TANK: variants seen among roughly 807,000 people sequenced by gnomAD.
TANK encodes TRAF family member-associated NF-kappa-B activator.
A neutral mutation model predicts 43.6 loss-of-function variants in TANK; 15 were observed. The ratio of observed to expected loss-of-function variants is 0.34; its 90% CI spans 0.23 to 0.53. The LOEUF is 0.53. Among genes scored for constraint, TANK ranks in the 20% least tolerant of loss-of-function variants. The probability of loss-of-function intolerance (pLI) is 0.94; values close to 1 mark genes in which losing one functional copy is unlikely to be tolerated. For missense variants in TANK, 417 were observed against 498.6 expected, an observed-to-expected ratio of 0.84 and a Z score of 1.56; for synonymous variants, 162 against 178.2, an observed-to-expected ratio of 0.91 and a Z score of 0.73.
At chr2:161,161,222 T>C (rs962403041) in intron 1 of TANK, 13 of 1,538,362 alleles carry the variant, frequency 8.5e-6, no homozygotes, top group Admixed American at 2.0e-5. Context: ...TTTATTGTTA[T>C]GCTATAACGA....
At chr2:161,167,307 G>A (rs1367518490) in intron 1 of TANK, among the ~76,000 whole-genome samples, 1 of 152,222 alleles carries the variant, frequency 6.6e-6, no homozygotes, top group Non-Finnish European at 1.5e-5. Context: ...TGGTTGAACA[G>A]GCAGTTAGAG....
chr2:161,140,443 C>T (rs754892393), intron 1 of TANK, among the ~76,000 whole-genome samples: 1 of 150,986 alleles, frequency 6.6e-6, no homozygotes, highest in Admixed American at 6.6e-5. Context: ...TGTGGATAAC[C>T]CTTTTTCATG....
At chr2:161,186,632 C>T (rs1685672869) in intron 2 of TANK, among the ~76,000 whole-genome samples, 1 of 152,030 alleles carries the variant, frequency 6.6e-6, no homozygotes, top group Non-Finnish European at 1.5e-5. Flanking sequence ...TCTGTCTGGG[C>T]AAAGATATTT....
At position 161,179,705 on chromosome 2, in the gene TANK, G is replaced by A; in HGVS notation, c.43G>A (p.Ala15Thr). 1 of 1,613,190 alleles carries A rather than the reference G, an allele frequency of 6.2e-7. No homozygotes were observed. The highest frequency in any genetic ancestry group is 8.5e-7 in the Non-Finnish European group (1 of 1,179,470). The stretch of plus-strand genomic sequence containing the variant: ...CGAGCAACTCAATAAAGCGTATGAA[G>A]CCTTCCGGCAGGCATGCATGGATAG... ...IGEQLNKAYE[A>T]FRQACMDRDS... The change falls in exon 2 of 8, where the codon GCC (alanine) becomes ACC (threonine). Residue 15 changes from alanine to threonine, a missense_variant. Transcript: ENST00000392749.
At chr2:161,224,324 A>G (rs1371075703) in intron 5 of TANK, among the ~76,000 whole-genome samples, 1 of 152,070 alleles carries the variant, frequency 6.6e-6, no homozygotes, top group East Asian at 1.9e-4. Context: ...GCAGAGAACA[A>G]AAGTCAATGC....
chr2:161,193,641 C>G (rs1048974247), intron 2 of TANK, among the ~76,000 whole-genome samples: 7 of 152,190 alleles, frequency 4.6e-5, no homozygotes, highest in Admixed American at 3.3e-4. Flanking sequence ...GGCAGCTCTA[C>G]CATTCTTAAA....
intron 1 of TANK, among the ~76,000 whole-genome samples, chr2:161,163,737 A>C (rs757718113): frequency 1.4e-4 from 22 of 152,224 alleles, no homozygotes; most frequent in Non-Finnish European, 3.1e-4. Flanking sequence ...AAAATATACA[A>C]GCTTAACATG....
At chr2:161,141,750 T>C (rs1456581009) in intron 1 of TANK, among the ~76,000 whole-genome samples, 2 of 152,154 alleles carry the variant, frequency 1.3e-5, no homozygotes, top group African/African-American at 4.8e-5. Context: ...TTTGGATTGG[T>C]TCCATGTCTT....
intron 1 of TANK, chr2:161,161,599 T>A: frequency 9.6e-7 from 1 of 1,044,752 alleles, no homozygotes; most frequent in East Asian, 2.7e-5. Context: ...TTTTGCTTTC[T>A]TATGAAAATG....
intron 4 of TANK, chr2:161,207,715 C>T: frequency 2.0e-6 from 2 of 985,174 alleles, no homozygotes; most frequent in South Asian, 9.4e-5. Flanking sequence ...TTATAATTCA[C>T]CTTTAGCTAA....
At chr2:161,190,108 A>G (rs1176673229) in intron 2 of TANK, among the ~76,000 whole-genome samples, 1 of 152,220 alleles carries the variant, frequency 6.6e-6, no homozygotes, top group East Asian at 1.9e-4. Context: ...TCTAGAATAT[A>G]TAAAGAACTA....
chr2:161,183,678 C>T (rs1685530805), intron 2 of TANK, among the ~76,000 whole-genome samples: 1 of 151,836 alleles, frequency 6.6e-6, no homozygotes, highest in South Asian at 2.1e-4. Context: ...GTTAAGTACT[C>T]AAGAATGGAT....
intron 3 of TANK, among the ~76,000 whole-genome samples, chr2:161,203,947 A>G (rs1034537794): frequency 2.4e-4 from 37 of 152,180 alleles, no homozygotes; most frequent in Non-Finnish European, 7.4e-5. Context: ...TCAAAAATAT[A>G]TATGCGAGGA....
chr2:161,152,483 A>G (rs955385057), intron 1 of TANK, among the ~76,000 whole-genome samples: 3 of 152,130 alleles, frequency 2.0e-5, no homozygotes, highest in Admixed American at 2.0e-4. Context: ...TGGCCTTCAT[A>G]GTTTCAAAGC....
chr2:161,155,988 T>C, upstream of TANK: 1 of 912,250 alleles, frequency 1.1e-6, no homozygotes, highest in Non-Finnish European at 1.3e-6. Flanking sequence ...GCATTTAATA[T>C]TGAAATTTTT....
intron 1 of TANK, among the ~76,000 whole-genome samples, chr2:161,144,829 T>A (rs1683857813): frequency 6.6e-6 from 1 of 152,220 alleles, no homozygotes; most frequent in Non-Finnish European, 1.5e-5. Flanking sequence ...GATCCAGAGC[T>A]GAGTTCAAAT....
chr2:161,146,311 G>A (rs559729991), intron 1 of TANK, among the ~76,000 whole-genome samples: 5 of 152,208 alleles, frequency 3.3e-5, no homozygotes, highest in Admixed American at 6.5e-5. Context: ...ACCTTCTGAA[G>A]CCTACTTCTG....
chr2:161,196,719 A>G (rs970267992), intron 2 of TANK, among the ~76,000 whole-genome samples: 1 of 151,986 alleles, frequency 6.6e-6, no homozygotes, highest in African/African-American at 2.4e-5. Flanking sequence ...GCCAGGTGTG[A>G]TGCGGGAGCG....
intron 6 of TANK, 132 bp from the exon 7 acceptor site, chr2:161,230,839 A>T: frequency 2.8e-6 from 2 of 722,576 alleles, no homozygotes; most frequent in Non-Finnish European, 4.6e-6. Context: ...AGCAAATTTT[A>T]AAATCCCAGT....
Sources: allele counts gnomAD v4.1 joint callset (sites outside exome capture counted in the v4.1 genomes callset), GRCh38; gene constraint gnomAD v4.1.1; transcripts MANE v1.5; gene names NCBI Gene and HGNC (gene_info 2026-07-23, HGNC 2026-07-21).